KSR2: variants seen among roughly 807,000 people sequenced by gnomAD.
KSR2 encodes kinase suppressor of ras 2.
Under a neutral mutation model 107.8 loss-of-function variants are expected in KSR2, and 25 were observed. The ratio of observed to expected loss-of-function variants is 0.23; its 90% confidence interval spans 0.17 to 0.32. The LOEUF (loss-of-function observed/expected upper bound fraction) is 0.32, where lower values mean the gene tolerates loss of function less well. Among genes scored for constraint, KSR2 ranks in the 10% least tolerant of loss-of-function variants. KSR2 has a pLI of 1.00. For missense variants in KSR2, 887 were observed against 1,268.9 expected (o/e 0.70, Z 4.57); for synonymous variants, 480 against 507.0 (o/e 0.95, Z 0.71).
intron 4 of KSR2, among the ~76,000 whole-genome samples, chr12:117,726,085 T>C (rs1186854142): frequency 6.6e-6 from 1 of 152,050 alleles, no homozygotes. Context: ...GGAGAATCGC[T>C]TGAACCTGGG....
chr12:117,593,882 C>T (rs1337964231), intron 5 of KSR2, among the ~76,000 whole-genome samples: 7 of 152,236 alleles, frequency 4.6e-5, no homozygotes, highest in Non-Finnish European at 7.3e-5. Flanking sequence ...TAGAGAGAAG[C>T]TGCAGTGAGT....
intron 3 of KSR2, among the ~76,000 whole-genome samples, chr12:117,837,665 C>T (rs1049574496): frequency 2.0e-5 from 3 of 152,138 alleles, no homozygotes; most frequent in African/African-American, 7.2e-5. Flanking sequence ...TCAGCCCGAG[C>T]CACTGAGAGC....
intron 5 of KSR2, 81 bp downstream of exon 5, chr12:117,667,393 C>A: frequency 7.4e-7 from 1 of 1,346,946 alleles, no homozygotes; most frequent in Non-Finnish European, 1.0e-6. Context: ...GAGTTTGCAC[C>A]TGGCACAGAG....
chr12:117,483,106 A>C (rs1279085164), intron 16 of KSR2, among the ~76,000 whole-genome samples: 1 of 152,210 alleles, frequency 6.6e-6, no homozygotes, highest in Non-Finnish European at 1.5e-5. Flanking sequence ...GACTCTCTTC[A>C]AGTATCTATT....
chr12:117,570,151 T>C (rs556305618), intron 7 of KSR2, among the ~76,000 whole-genome samples: 97 of 152,206 alleles, frequency 6.4e-4, no homozygotes, highest in Non-Finnish European at 9.7e-4. Flanking sequence ...TACAGGCGCC[T>C]GCCACCGCGC....
chr12:117,769,053 T>TCAG (rs1422084605), intron 3 of KSR2, among the ~76,000 whole-genome samples: 1 of 152,094 alleles, frequency 6.6e-6, no homozygotes, highest in Non-Finnish European at 1.5e-5. Context: ...AAGCTCAGGG[T>TCAG]CAGACAGGCT....
rs1894540429 is a variant in KSR2 at position 117,897,194 on chromosome 12, C to A, written c.181-36763G>T. On this transcript the variant is annotated intron_variant, in intron 1 of 19. Transcript: ENST00000339824. The surrounding 1 kb of genome is among the most constrained non-coding windows in gnomAD (Gnocchi z 4.5). ...TTAACATCCAGCTCCCAAGCTGTGA[C>A]AGATGCCAGTTTCAGGCCATATTAT... is the stretch of plus-strand genomic sequence containing the variant. Among the ~76,000 whole-genome samples, 1 of 152,214 alleles carries A rather than the reference C, an allele frequency of 6.6e-6. No homozygotes were observed. The highest frequency in any genetic ancestry group is 6.5e-5 in the Admixed American group (1 of 15,292).
intron 4 of KSR2, among the ~76,000 whole-genome samples, chr12:117,729,469 G>A (rs1393067137): frequency 6.6e-6 from 1 of 152,116 alleles, no homozygotes; most frequent in Non-Finnish European, 1.5e-5. Context: ...GGCTTCCAGG[G>A]ACCTCCACAT....
chr12:117,722,650 A>G (rs903666848), intron 4 of KSR2, among the ~76,000 whole-genome samples: 1 of 152,232 alleles, frequency 6.6e-6, no homozygotes, highest in African/African-American at 2.4e-5. Flanking sequence ...CTTGTTTAGC[A>G]TGTAATCAAG....
At chr12:117,760,293 C>G (rs56692281) in intron 4 of KSR2, among the ~76,000 whole-genome samples, 1 of 152,204 alleles carries the variant, frequency 6.6e-6, no homozygotes, top group Non-Finnish European at 1.5e-5. Flanking sequence ...CTCTCTCCCC[C>G]AAAGGGGTCC....
chr12:117,584,138 G>C (rs950272957), intron 5 of KSR2, among the ~76,000 whole-genome samples: 1 of 152,170 alleles, frequency 6.6e-6, no homozygotes, highest in Non-Finnish European at 1.5e-5. Context: ...AAACCTAAGA[G>C]GGAGACAGCA....
chr12:117,655,993 A>AG (rs1214680509), intron 5 of KSR2, among the ~76,000 whole-genome samples: 2 of 152,208 alleles, frequency 1.3e-5, no homozygotes, highest in African/African-American at 2.4e-5. Context: ...TCACTCCAGC[A>AG]GGAAAAAAAC....
chr12:117,807,452 G>A (rs1891048882), intron 3 of KSR2, among the ~76,000 whole-genome samples: 2 of 152,192 alleles, frequency 1.3e-5, no homozygotes, highest in Non-Finnish European at 2.9e-5. Context: ...GGTTCTATGG[G>A]AAAGAGAGAC....
chr12:117,834,155 A>AT (rs922839222), intron 3 of KSR2, among the ~76,000 whole-genome samples: 1 of 151,748 alleles, frequency 6.6e-6, no homozygotes, highest in Non-Finnish European at 1.5e-5. Context: ...AAAATAAAAA[A>AT]AAAAAACAGA....
At chr12:117,889,282 G>T (rs1310927298) in intron 1 of KSR2, among the ~76,000 whole-genome samples, 1 of 152,154 alleles carries the variant, frequency 6.6e-6, no homozygotes, top group Non-Finnish European at 1.5e-5. Context: ...TTATTAGCAG[G>T]GCGAGCAGCC....
At chr12:117,936,277 C>T (rs1280681020) in intron 1 of KSR2, among the ~76,000 whole-genome samples, 1 of 151,916 alleles carries the variant, frequency 6.6e-6, no homozygotes, top group African/African-American at 2.4e-5. Flanking sequence ...ATCTGCCTGC[C>T]TTGACCTCCC....
intron 14 of KSR2, among the ~76,000 whole-genome samples, chr12:117,511,717 C>T (rs1874034620): frequency 6.6e-6 from 1 of 152,204 alleles, no homozygotes; most frequent in Non-Finnish European, 1.5e-5. Flanking sequence ...CAAGGAAGCC[C>T]TCTTTCATAT....
Position 117,582,346 on chromosome 12 carries a change from C to T in KSR2, c.1185G>A (p.Val395=). ...EANFSANTLS[V]PRWSPQIPRR... is the part of the protein sequence containing the mutation. ...GAGGGATCTGCGGGGACCAGCGTGG[C>T]ACTGACAGTGTGTCTACAGAGAGAA... The change falls in exon 6 of 20, where the codon GTG becomes GTA. Residue 395 remains valine, a synonymous_variant. Coordinates refer to ENST00000339824, the MANE Select transcript of KSR2 (RefSeq NM_173598.6). 4.3e-6 allele frequency: 7 copies of T among 1,613,674 alleles called. No homozygotes were observed. The highest frequency in any genetic ancestry group is 5.1e-6 in the Non-Finnish European group (6 of 1,179,738).
chr12:117,963,576 C>G (rs1593410086), intron 1 of KSR2, among the ~76,000 whole-genome samples: 1 of 151,932 alleles, frequency 6.6e-6, no homozygotes. Context: ...GCACTCCAGC[C>G]TGAGTTACAG....
Sources: allele counts gnomAD v4.1 joint callset (sites outside exome capture counted in the v4.1 genomes callset), GRCh38; gene constraint gnomAD v4.1.1; non-coding constraint Gnocchi (gnomAD v3.1); transcripts MANE v1.5; gene names NCBI Gene and HGNC (gene_info 2026-07-23, HGNC 2026-07-21).